Variants in MBNL2 observed in about 807,000 individuals in gnomAD.
MBNL2 encodes the protein muscleblind-like protein 2.
MBNL2 carries 17 observed loss-of-function variants against 41.9 expected under a neutral mutation model. That is an observed-to-expected ratio of 0.41 (90% confidence interval 0.28 to 0.61). The LOEUF is 0.61. Among genes scored for constraint, MBNL2 ranks in the 20% least tolerant of loss-of-function variants. The probability of loss-of-function intolerance (pLI) is 0.35; values close to 1 mark genes in which losing one functional copy is unlikely to be tolerated. For synonymous variants in MBNL2, 195 were observed against 182.9 expected, an observed-to-expected ratio of 1.07 and a Z score of -0.53; for missense variants, 336 against 505.6, an observed-to-expected ratio of 0.66 and a Z score of 3.22.
At chr13:97,332,117 A>G (rs1055249525) in intron 2 of MBNL2, among the ~76,000 whole-genome samples, 2 of 152,178 alleles carry the variant, frequency 1.3e-5, no homozygotes, top group East Asian at 1.9e-4. Flanking sequence ...TGCTTTCCCA[A>G]GTCTCTCCAT....
intron 2 of MBNL2, among the ~76,000 whole-genome samples, chr13:97,301,102 G>A (rs1452204438): frequency 2.6e-5 from 4 of 152,164 alleles, no homozygotes; most frequent in African/African-American, 9.7e-5. Flanking sequence ...GATGATAACT[G>A]GAGATTCCTT....
intron 5 of MBNL2, among the ~76,000 whole-genome samples, chr13:97,349,711 G>C (rs1187809778): frequency 1.3e-5 from 2 of 152,058 alleles, no homozygotes; most frequent in Non-Finnish European, 2.9e-5. Flanking sequence ...ATTTTTAGTA[G>C]AGATGGACTC....
the MBNL2 span, among the ~76,000 whole-genome samples, chr13:97,187,801 G>A: frequency 3.3e-5 from 5 of 151,578 alleles, no homozygotes; most frequent in Non-Finnish European, 5.9e-5. Context: ...CAGCTACTCC[G>A]GAGGCTGAGG....
rs908157528 is a variant in MBNL2 at position 97,276,017 on chromosome 13, G to A, written c.-219G>A. The A allele has an allele frequency of 1.3e-5, 6 of 453,136 alleles. No homozygotes were observed. The highest frequency in any genetic ancestry group is 4.4e-5 in the South Asian group (1 of 22,874). 28.1% of individuals were successfully genotyped at this position (453,136 alleles called of 1,614,324 possible). A position where few individuals can be genotyped will look rare whatever the true frequency, so the allele number is the denominator to read the frequency against. ...ATGACACTGAGCATGCTTTTATTGC[G>A]GCCTACCATCTTTAAGTGGGACATA... is the stretch of plus-strand genomic sequence containing the variant. On this transcript the variant is annotated 5_prime_UTR_variant, in exon 2 of 9. Coordinates refer to ENST00000679496, the MANE Select transcript of MBNL2 (RefSeq NM_001382683.1).
the MBNL2 span, among the ~76,000 whole-genome samples, chr13:97,194,988 G>A: frequency 6.6e-6 from 1 of 152,208 alleles, no homozygotes; most frequent in South Asian, 2.1e-4. Flanking sequence ...CAGCCCTCAG[G>A]TTTGCTCTGC....
At chr13:97,372,999 T>C (rs2064534577) in intron 8 of MBNL2, among the ~76,000 whole-genome samples, 2 of 152,334 alleles carry the variant, frequency 1.3e-5, no homozygotes, top group East Asian at 3.9e-4. Flanking sequence ...AGAAAAATCT[T>C]GGTTCAGCAA....
intron 1 of MBNL2, among the ~76,000 whole-genome samples, chr13:97,258,462 A>G (rs1024280710): frequency 3.3e-5 from 5 of 152,130 alleles, no homozygotes; most frequent in Admixed American, 1.3e-4. Context: ...ACAAAACAAA[A>G]TCTTGTTTTA....
chr13:97,248,891 A>G (rs1270053446), intron 1 of MBNL2, among the ~76,000 whole-genome samples: 1 of 152,224 alleles, frequency 6.6e-6, no homozygotes, highest in East Asian at 1.9e-4. Context: ...AAGTCTATGG[A>G]AAATGTTATG....
intron 8 of MBNL2, among the ~76,000 whole-genome samples, chr13:97,379,057 G>T (rs1321260587): frequency 3.3e-5 from 5 of 152,172 alleles, no homozygotes; most frequent in African/African-American, 1.2e-4. Flanking sequence ...TGGAATCTAT[G>T]GTCAGTGTAG....
Position 97,234,719 on chromosome 13 carries a change from T to C in MBNL2, c.-605+12188T>C, listed in dbSNP as rs140630538. On this transcript the variant is annotated intron_variant, in intron 1 of 8. Coordinates refer to ENST00000679496, the MANE Select transcript of MBNL2 (RefSeq NM_001382683.1). ...AAATAAACATACATGCAGAGATAGA[T>C]TGAGGTATTTCTTCACATCAACCAT... is the stretch of plus-strand genomic sequence containing the variant. 5.6e-3 allele frequency among the ~76,000 whole-genome samples: 851 copies of C among 152,310 alleles called. 3 individuals are homozygous for C. Among genetic ancestry groups the C allele is most frequent in the Admixed American group, 8.9e-3 (137 of 15,308 alleles).
At chr13:97,236,988 G>A (rs531948323) in intron 1 of MBNL2, among the ~76,000 whole-genome samples, 1 of 152,278 alleles carries the variant, frequency 6.6e-6, no homozygotes, top group African/African-American at 2.4e-5. Flanking sequence ...GGGGACAGCA[G>A]ATGACAAAGC....
At chr13:97,263,028 C>T (rs759474480) in intron 1 of MBNL2, among the ~76,000 whole-genome samples, 14 of 152,100 alleles carry the variant, frequency 9.2e-5, no homozygotes, top group Non-Finnish European at 1.6e-4. Context: ...GTCGGGTGAT[C>T]CACTCGCCTC....
the MBNL2 span, among the ~76,000 whole-genome samples, chr13:97,174,191 T>G: frequency 6.6e-6 from 1 of 152,190 alleles, no homozygotes; most frequent in East Asian, 1.9e-4. Flanking sequence ...GCTTCTGGAA[T>G]GAAGCTGGTG....
At chr13:97,210,535 C>T in the MBNL2 span, among the ~76,000 whole-genome samples, 2 of 132,074 alleles carry the variant, frequency 1.5e-5, no homozygotes. Context: ...TATAACTATA[C>T]ATAAACACAA....
chr13:97,354,047 A>G (rs1242711560), intron 5 of MBNL2, among the ~76,000 whole-genome samples: 4 of 151,366 alleles, frequency 2.6e-5, no homozygotes, highest in Non-Finnish European at 5.9e-5. Flanking sequence ...TCCAAAAAAA[A>G]AAAAAAAAAG....
chr13:97,319,373 G>T (rs1433820113), intron 2 of MBNL2, among the ~76,000 whole-genome samples: 3 of 152,128 alleles, frequency 2.0e-5, no homozygotes, highest in Non-Finnish European at 2.9e-5. Flanking sequence ...GGGAGCTCTG[G>T]CAATGACCAA....
chr13:97,211,330 G>A, the MBNL2 span, among the ~76,000 whole-genome samples: 40 of 152,258 alleles, frequency 2.6e-4, no homozygotes, highest in Middle Eastern at 0.01. Context: ...CAATCCCATG[G>A]GTTGGGGGTA....
Position 97,341,911 on chromosome 13 carries a change from T to G in MBNL2, c.340-1105T>G, listed in dbSNP as rs74106933. On this transcript the variant is annotated intron_variant, in intron 3 of 8. Transcript: ENST00000679496. ...ACAATGTAGAAACAGAGAACAAGCA[T>G]GACACAGCATAGTTCAATGTTAAAA... Among the ~76,000 whole-genome samples the G allele has an allele frequency of 1.4e-3, 215 of 152,312 alleles. 1 individual carries two copies. The highest frequency in any genetic ancestry group is 4.8e-3 in the African/African-American group (198 of 41,560).
chr13:97,268,073 T>TTTCCTTCCTTCC lies in MBNL2; in HGVS notation c.-604-7540_-604-7529dup, dbSNP rs57849294. ...CCTAAGAGTGTGCTTTTCTTTTTTCTTTCCTTCCTTCCTTCCTTCCTTCCT... is the reference window on the plus strand; with the variant it reads ...CCTAAGAGTGTGCTTTTCTTTTTTCTTTCCTTCCTTCCTTCCTTCCTTCCTTCCTTCCTTCCT... On this transcript the variant is annotated intron_variant, in intron 1 of 8. Coordinates refer to ENST00000679496, the MANE Select transcript of MBNL2 (RefSeq NM_001382683.1). This position sits in a 1 kb window ranked among gnomAD's most constrained non-coding sequence, Gnocchi z 4.6. 9.3e-4 allele frequency among the ~76,000 whole-genome samples: 138 copies of TTTCCTTCCTTCC among 147,944 alleles called. 2 individuals carry two copies. The highest frequency in any genetic ancestry group is 4.1e-3 in the East Asian group (20 of 4,918).
Sources: allele counts gnomAD v4.1 joint callset (sites outside exome capture counted in the v4.1 genomes callset), GRCh38; gene constraint gnomAD v4.1.1; non-coding constraint Gnocchi (gnomAD v3.1); transcripts MANE v1.5; gene names NCBI Gene and HGNC (gene_info 2026-07-23, HGNC 2026-07-21).